Variants in NSD2 observed in about 807,000 individuals in gnomAD.
The protein encoded by NSD2 is histone-lysine N-methyltransferase NSD2.
Under a neutral mutation model 139.0 loss-of-function variants are expected in NSD2, and 12 were observed. That is an observed-to-expected ratio of 0.09 (90% CI 0.06 to 0.14). The LOEUF (loss-of-function observed/expected upper bound fraction) is 0.14, where lower values mean the gene tolerates loss of function less well. Ranked by LOEUF, NSD2 falls within the 10% of genes least tolerant of loss-of-function variation. The pLI is 1.00. For missense variants in NSD2, 1,155 were observed against 1,745.0 expected, an observed-to-expected ratio of 0.66 and a Z score of 6.02; for synonymous variants, 669 against 648.7, an observed-to-expected ratio of 1.03 and a Z score of -0.48.
chr4:1,938,999 TAA>T (rs1477223848), intron 8 of NSD2, among the ~76,000 whole-genome samples: 2 of 152,142 alleles, frequency 1.3e-5, no homozygotes, highest in African/African-American at 4.8e-5. Flanking sequence ...GTCAAAAAAA[TAA>T]GAGGGGAAAT....
chr4:1,875,951 C>A (rs1404723074), intron 1 of NSD2, among the ~76,000 whole-genome samples: 4 of 150,252 alleles, frequency 2.7e-5, no homozygotes, highest in African/African-American at 9.8e-5. Context: ...TGCGGTGGCT[C>A]AAGCTTGTAA....
intron 1 of NSD2, among the ~76,000 whole-genome samples, chr4:1,889,610 T>A (rs910978777): frequency 1.3e-5 from 2 of 151,964 alleles, no homozygotes; most frequent in Non-Finnish European, 2.9e-5. Context: ...CAAGCGATTC[T>A]CCTTCCTCAG....
intron 1 of NSD2, among the ~76,000 whole-genome samples, chr4:1,877,455 C>T (rs1714343418): frequency 6.6e-6 from 1 of 152,190 alleles, no homozygotes; most frequent in Admixed American, 6.5e-5. Flanking sequence ...TTACTCAGCT[C>T]ATCTCTTTCT....
At position 1,900,832 on chromosome 4, in the gene NSD2, G is replaced by C. The variant is rs1366552622; in HGVS notation, c.178G>C (p.Gly60Arg). 5 of 1,613,804 alleles carry C rather than the reference G, an allele frequency of 3.1e-6. No homozygotes were observed. Among genetic ancestry groups the C allele is most frequent in the Non-Finnish European group, 4.2e-6 (5 of 1,179,942 alleles). Residue 60 changes from glycine (G) to arginine (R), a missense_variant, in exon 2 of 22, where the codon GGG (glycine) becomes CGG (arginine). Transcript: ENST00000508803. ...CCAGCTCTCCAGTAGCCTGCAGGAG[G>C]GGGTCATGCAGAAGTTTAACGGCCA... ...KAQLSSSLQE[G>R]VMQKFNGHDA...
intron 8 of NSD2, 44 bp downstream of exon 8, chr4:1,938,576 AGGCTGGGCTGGGTG>A (rs1471973031): frequency 1.7e-6 from 1 of 596,288 alleles, no homozygotes; most frequent in South Asian, 1.5e-5. Flanking sequence ...CTGGGTGCCC[AGGCTGGGCTGGGTG>A]GGTGGGCTGA....
intron 1 of NSD2, among the ~76,000 whole-genome samples, chr4:1,873,884 A>C (rs528086062): frequency 1.3e-5 from 2 of 152,252 alleles, no homozygotes; most frequent in East Asian, 3.9e-4. Flanking sequence ...GGGTCTCTCT[A>C]TGTGGCCCAG....
chr4:1,933,251 G>A (rs960138641), intron 6 of NSD2, among the ~76,000 whole-genome samples: 1 of 152,206 alleles, frequency 6.6e-6, no homozygotes, highest in African/African-American at 2.4e-5. Flanking sequence ...AGCAGGGCAC[G>A]GACACTTACT....
intron 3 of NSD2, among the ~76,000 whole-genome samples, 184 bp downstream of exon 3, chr4:1,904,562 T>G (rs73796609): frequency 6.6e-6 from 1 of 152,172 alleles, no homozygotes; most frequent in African/African-American, 2.4e-5. Flanking sequence ...AACTCAAATA[T>G]GTACTTCATC....
At chr4:1,949,046 C>T (rs578261917) in intron 9 of NSD2, among the ~76,000 whole-genome samples, 1 of 152,352 alleles carries the variant, frequency 6.6e-6, no homozygotes, top group Non-Finnish European at 1.5e-5. Flanking sequence ...AGTGGGGCCC[C>T]AGACAGTGTG....
intron 5 of NSD2, among the ~76,000 whole-genome samples, chr4:1,923,310 C>A (rs1353826424): frequency 7.0e-6 from 1 of 143,624 alleles, no homozygotes; most frequent in Non-Finnish European, 1.5e-5. Context: ...GACAGAGACC[C>A]TGGCTCAAAA....
At position 1,979,298 on chromosome 4, in the gene NSD2, G is replaced by C. The variant is rs138680926; in HGVS notation, c.*389G>C. 1 of 245,966 alleles carries C rather than the reference G, an allele frequency of 4.1e-6. No individual in the cohort carries two copies. The highest frequency in any genetic ancestry group is 7.9e-6 in the Non-Finnish European group (1 of 127,362). 15.2% of individuals were successfully genotyped at this position (245,966 alleles called of 1,614,324 possible). A position where few individuals can be genotyped will look rare whatever the true frequency, so the allele number is the denominator to read the frequency against. ...TTTTCCCAAGGGTCGCTAGAAACTC[G>C]TCTTCGCGTTGCCCCCTTTCTGGCT... On this transcript the variant is annotated 3_prime_UTR_variant, in exon 22 of 22. Coordinates refer to ENST00000508803, the MANE Select transcript of NSD2 (RefSeq NM_001042424.3).
intron 2 of NSD2, among the ~76,000 whole-genome samples, chr4:1,903,218 C>T (rs1560599714): frequency 1.3e-5 from 2 of 152,204 alleles, no homozygotes; most frequent in Non-Finnish European, 2.9e-5. Context: ...ACAATTTACT[C>T]ATGTGTATAG....
Position 1,940,792 on chromosome 4 carries a change from G to C in NSD2, c.1881+1014G>C. ...CCCAGGAAGGATGGGGTGTGCCTCAGTTGTTTCCACTCATTAGAGGAGTGT... is the reference window on the plus strand; with the variant it reads ...CCCAGGAAGGATGGGGTGTGCCTCACTTGTTTCCACTCATTAGAGGAGTGT... On this transcript the variant is annotated intron_variant, in intron 9 of 21. Transcript: ENST00000508803. The C allele has an allele frequency of 3.8e-6, 4 of 1,059,168 alleles. 1 individual carries two copies. The South Asian group carries it at 1.4e-4, about 36-fold the overall frequency. 65.6% of individuals were successfully genotyped at this position (1,059,168 alleles called of 1,614,324 possible). A position where few individuals can be genotyped will look rare whatever the true frequency, so the allele number is the denominator to read the frequency against.
intron 3 of NSD2, among the ~76,000 whole-genome samples, chr4:1,909,512 A>G (rs1212448141): frequency 6.6e-6 from 1 of 152,080 alleles, no homozygotes; most frequent in African/African-American, 2.4e-5. Context: ...TGAGACAGTG[A>G]GTGGTGAGTG....
Position 1,979,138 on chromosome 4 carries a change from C to T in NSD2, c.*229C>T. ...GCCCAGCTCAGCGTTCCTGGACAAA[C>T]AGCCTCACTCCTCAGCGTTACCGCC... On this transcript the variant is annotated 3_prime_UTR_variant, in exon 22 of 22. Coordinates refer to ENST00000508803, the MANE Select transcript of NSD2 (RefSeq NM_001042424.3). The T allele has an allele frequency of 2.2e-6, 1 of 452,190 alleles. No homozygotes were observed. Among genetic ancestry groups the T allele is most frequent in the East Asian group, 3.5e-5 (1 of 28,616 alleles). 28.0% of individuals were successfully genotyped at this position (452,190 alleles called of 1,614,324 possible). A position where few individuals can be genotyped will look rare whatever the true frequency, so the allele number is the denominator to read the frequency against.
chr4:1,915,113 T>G (rs1188223612), intron 3 of NSD2, among the ~76,000 whole-genome samples: 1 of 121,790 alleles, frequency 8.2e-6, no homozygotes, highest in Non-Finnish European at 1.7e-5. Flanking sequence ...TTTTTTCTCT[T>G]TTTTTTTTTT....
intron 5 of NSD2, among the ~76,000 whole-genome samples, chr4:1,926,266 T>G (rs1442552773): frequency 1.3e-5 from 2 of 150,178 alleles, no homozygotes; most frequent in Non-Finnish European, 3.0e-5. Flanking sequence ...ACGATTCTCC[T>G]GACTCAGCCT....
chr4:1,927,683 C>T (rs1361094174), intron 5 of NSD2, among the ~76,000 whole-genome samples: 2 of 130,892 alleles, frequency 1.5e-5, no homozygotes, highest in Admixed American at 1.8e-4. Flanking sequence ...CACGTCACTG[C>T]ACTCCAGCCT....
chr4:1,929,804 A>G (rs1387611010), intron 5 of NSD2, among the ~76,000 whole-genome samples: 1 of 152,136 alleles, frequency 6.6e-6, no homozygotes. Context: ...TTGGGGACAC[A>G]TTAGCAACCC....
Sources: allele counts gnomAD v4.1 joint callset (sites outside exome capture counted in the v4.1 genomes callset), GRCh38; gene constraint gnomAD v4.1.1; transcripts MANE v1.5; gene names NCBI Gene and HGNC (gene_info 2026-07-23, HGNC 2026-07-21).